The following CAST variants were observed in gnomAD, a reference collection of about 807,000 sequenced individuals.
CAST encodes the protein MIR583 host.
In CAST, 76 loss-of-function variants were observed where a neutral mutation model predicts 119.6. The observed-to-expected ratio is 0.64, with a 90% CI of 0.53 to 0.77. The LOEUF (loss-of-function observed/expected upper bound fraction) is 0.77. Ranked by LOEUF, CAST falls within the 30% of genes least tolerant of loss-of-function variation. CAST has a pLI of 0.00. For synonymous variants in CAST, 319 were observed against 331.6 expected, an observed-to-expected ratio of 0.96 and a Z score of 0.41; for missense variants, 953 against 946.5, an observed-to-expected ratio of 1.01 and a Z score of -0.09.
At chr5:96,134,831 A>G in the CAST span, among the ~76,000 whole-genome samples, 2 of 152,240 alleles carry the variant, frequency 1.3e-5, no homozygotes, top group Admixed American at 6.5e-5. Context: ...AGAATAGCAC[A>G]TAAGTAAGTT....
chr5:96,634,160 G>T (rs1747857399), intron 1 of CAST, among the ~76,000 whole-genome samples: 1 of 152,182 alleles, frequency 6.6e-6, no homozygotes, highest in African/African-American at 2.4e-5. Context: ...ACAAAACAGT[G>T]CTTTGATTTC....
chr5:96,245,900 A>T, the CAST span, among the ~76,000 whole-genome samples: 634 of 152,244 alleles, frequency 4.2e-3, 2 homozygotes, highest in Middle Eastern at 0.027. Flanking sequence ...CTTATATGGG[A>T]GAATGAACTC....
chr5:96,234,444 A>G, the CAST span, among the ~76,000 whole-genome samples: 3 of 152,222 alleles, frequency 2.0e-5, no homozygotes, highest in Admixed American at 1.3e-4. Context: ...AGGCAGCGAC[A>G]TATACACAAA....
the CAST span, among the ~76,000 whole-genome samples, chr5:96,032,023 A>G: frequency 6.6e-6 from 1 of 152,138 alleles, no homozygotes; most frequent in Non-Finnish European, 1.5e-5. Context: ...TTTCTGTGGA[A>G]TTGCTCAAGT....
At chr5:96,341,903 T>TTTCTCACAA in the CAST span, among the ~76,000 whole-genome samples, 2 of 152,162 alleles carry the variant, frequency 1.3e-5, no homozygotes, top group Non-Finnish European at 2.9e-5. Context: ...TCTCACAATA[T>TTTCTCACAA]GATTTCGTGG....
chr5:96,354,048 TTC>T, the CAST span, among the ~76,000 whole-genome samples: 1 of 152,200 alleles, frequency 6.6e-6, no homozygotes, highest in South Asian at 2.1e-4. Context: ...ATTCTCTTCT[TTC>T]TCTCATATTC....
At chr5:96,057,919 A>C in the CAST span, among the ~76,000 whole-genome samples, 1 of 152,138 alleles carries the variant, frequency 6.6e-6, no homozygotes, top group Non-Finnish European at 1.5e-5. Context: ...CCTTGATTGA[A>C]ATCATTTGCA....
intron 1 of CAST, among the ~76,000 whole-genome samples, chr5:96,582,398 G>A (rs912407939): frequency 5.3e-5 from 8 of 152,160 alleles, no homozygotes; most frequent in African/African-American, 1.9e-4. Flanking sequence ...AACAAGATCC[G>A]TATTTCAGAA....
chr5:96,119,332 A>G, the CAST span, among the ~76,000 whole-genome samples: 2 of 152,188 alleles, frequency 1.3e-5, no homozygotes, highest in African/African-American at 2.4e-5. Flanking sequence ...AGTAAAAACA[A>G]AAACAACCCA....
chr5:96,237,712 AT>A, the CAST span, among the ~76,000 whole-genome samples: 1 of 151,952 alleles, frequency 6.6e-6, no homozygotes, highest in African/African-American at 2.4e-5. Flanking sequence ...CTTTAAGTAT[AT>A]TTTCATAGAA....
At chr5:96,040,519 T>A in the CAST span, among the ~76,000 whole-genome samples, 1 of 152,182 alleles carries the variant, frequency 6.6e-6, no homozygotes, top group Non-Finnish European at 1.5e-5. Context: ...TTGTCCTAAA[T>A]AGCTCTTTTT....
the CAST span, among the ~76,000 whole-genome samples, chr5:96,459,087 T>C: frequency 6.6e-6 from 1 of 152,186 alleles, no homozygotes; most frequent in Non-Finnish European, 1.5e-5. Context: ...CTATACTGTA[T>C]ACAGTTTGTC....
At chr5:96,291,746 G>A in the CAST span, among the ~76,000 whole-genome samples, 10 of 151,934 alleles carry the variant, frequency 6.6e-5, no homozygotes, top group Non-Finnish European at 1.5e-4. Context: ...TCACAGTTAT[G>A]CTTTCTCTCC....
chr5:96,270,686 A>G, the CAST span, among the ~76,000 whole-genome samples: 1 of 151,986 alleles, frequency 6.6e-6, no homozygotes. Flanking sequence ...GTGGGGAGCA[A>G]CACACACTGG....
At chr5:96,081,463 A>T in the CAST span, among the ~76,000 whole-genome samples, 1 of 152,192 alleles carries the variant, frequency 6.6e-6, no homozygotes, top group Non-Finnish European at 1.5e-5. Flanking sequence ...AGGGAAGAGG[A>T]TAATCTTGCT....
the CAST span, among the ~76,000 whole-genome samples, chr5:96,515,691 T>C: frequency 6.6e-6 from 1 of 152,114 alleles, no homozygotes; most frequent in Non-Finnish European, 1.5e-5. Flanking sequence ...CAAGGTTTAG[T>C]GAATGGGTTG....
chr5:96,124,852 T>C, the CAST span, among the ~76,000 whole-genome samples: 1 of 152,168 alleles, frequency 6.6e-6, no homozygotes, highest in Non-Finnish European at 1.5e-5. Flanking sequence ...TATTGCACAA[T>C]AATTTGTGTT....
At chr5:96,393,421 A>C in the CAST span, 1 of 1,611,090 alleles carries the variant, frequency 6.2e-7, no homozygotes, top group South Asian at 1.1e-5. Flanking sequence ...AAGGTTCATT[A>C]TTTATGGCCA....
the CAST span, among the ~76,000 whole-genome samples, chr5:95,978,625 C>A: frequency 6.6e-6 from 1 of 151,778 alleles, no homozygotes; most frequent in South Asian, 2.1e-4. Flanking sequence ...AGTGTCTTTT[C>A]CTGTGCAGAA....
Sources: gnomAD v4.1 joint callset for allele counts (sites outside exome capture counted in the v4.1 genomes callset) on GRCh38, gnomAD v4.1.1 for gene constraint, MANE v1.5 for transcripts, NCBI Gene and HGNC (gene_info 2026-07-23, HGNC 2026-07-21) for gene names.